The following DIS3L2 variants were observed in gnomAD, a reference collection of about 807,000 sequenced individuals.
DIS3L2 encodes the protein DIS3 like 3'-5' exoribonuclease 2, also known as DIS3-like exonuclease 2.
In DIS3L2, 34 loss-of-function variants were observed where a neutral mutation model predicts 97.5. That is an observed-to-expected ratio of 0.35 (90% confidence interval 0.27 to 0.46). DIS3L2 has a LOEUF of 0.46. Ranked by LOEUF, DIS3L2 falls within the 20% of genes least tolerant of loss-of-function variation. The pLI is 1.00. For synonymous variants in DIS3L2, 435 were observed against 445.2 expected, an observed-to-expected ratio of 0.98 and a Z score of 0.29; for missense variants, 1,038 against 1,146.0, an observed-to-expected ratio of 0.91 and a Z score of 1.36.
chr2:232,258,242 C>T (rs1465497941), intron 12 of DIS3L2, among the ~76,000 whole-genome samples: 1 of 152,080 alleles, frequency 6.6e-6, no homozygotes, highest in East Asian at 1.9e-4. Flanking sequence ...AGAGTATGTG[C>T]AGTAAACTCA....
intron 1 of DIS3L2, among the ~76,000 whole-genome samples, chr2:231,993,301 C>T (rs541056592): frequency 6.6e-6 from 1 of 152,272 alleles, no homozygotes; most frequent in East Asian, 1.9e-4. Flanking sequence ...GCAACCCCTG[C>T]CTCCCAGGTT....
At chr2:232,001,005 G>A (rs913141638) in intron 1 of DIS3L2, among the ~76,000 whole-genome samples, 1 of 151,974 alleles carries the variant, frequency 6.6e-6, no homozygotes, top group Non-Finnish European at 1.5e-5. Flanking sequence ...GAATAATACT[G>A]TAATGAACGT....
chr2:232,052,188 A>C (rs1341366735), intron 5 of DIS3L2, among the ~76,000 whole-genome samples: 3 of 151,926 alleles, frequency 2.0e-5, no homozygotes, highest in Non-Finnish European at 2.9e-5. Context: ...ATGTCTGGCT[A>C]ATTTTTTGTA....
chr2:232,147,269 C>T (rs1197768078), intron 8 of DIS3L2, among the ~76,000 whole-genome samples: 1 of 152,094 alleles, frequency 6.6e-6, no homozygotes, highest in East Asian at 1.9e-4. Context: ...GCATGTCCGG[C>T]CCATAAAAAT....
Position 232,301,763 on chromosome 2 carries a change from CTT to C in DIS3L2, c.1739+1645_1739+1646del, listed in dbSNP as rs1302262896. ...AGCTCTCTGTCCTTTAAGTTTATGT[CTT>C]AGCTGTTCACATATCTGGTGGCAAC... On this transcript the variant is annotated intron_variant, in intron 14 of 20. Coordinates refer to ENST00000325385, the MANE Select transcript of DIS3L2 (RefSeq NM_152383.5). Among the ~76,000 whole-genome samples, 10 of 149,942 alleles carry C rather than the reference CTT, an allele frequency of 6.7e-5. No homozygotes were observed. In the South Asian group the frequency reaches 1.3e-3, roughly 19 times the overall value.
Position 231,984,080 on chromosome 2 carries a change from T to A in DIS3L2, c.-94+22315T>A, listed in dbSNP as rs78696446. ...TTCTAGATAGTGATTTCATTTATAATTGATCATTTTGTCTCATTTCTAATA... is the reference window on the plus strand; with the variant it reads ...TTCTAGATAGTGATTTCATTTATAAATGATCATTTTGTCTCATTTCTAATA... On this transcript the variant is annotated intron_variant, in intron 1 of 20. Transcript: ENST00000325385. Among the ~76,000 whole-genome samples, 650 of 152,122 alleles carry A rather than the reference T, an allele frequency of 4.3e-3. 7 individuals carry two copies. The highest frequency in any genetic ancestry group is 0.015 in the African/African-American group (617 of 41,546).
intron 3 of DIS3L2, among the ~76,000 whole-genome samples, chr2:232,016,672 A>G (rs1188550159): frequency 6.6e-6 from 1 of 152,188 alleles, no homozygotes; most frequent in African/African-American, 2.4e-5. Context: ...GGCATAAACT[A>G]TCAGGCAGGT....
chr2:232,336,155 C>T lies in DIS3L2; in HGVS notation c.2496+281C>T, dbSNP rs767527889. 1.0e-5 allele frequency: 16 copies of T among 1,534,310 alleles called. No homozygotes were observed. The South Asian group carries it at 1.7e-4, about 16-fold the overall frequency. ...TGGCCTTCTAGGGTCCTTTAGAGAA[C>T]CTGATGAAAGCTATGAGTTTACACC... On this transcript the variant is annotated intron_variant, in intron 20 of 20. Transcript: ENST00000325385.
chr2:231,966,641 A>ACTT (rs1692724313), intron 1 of DIS3L2, among the ~76,000 whole-genome samples: 1 of 50,358 alleles, frequency 2.0e-5, no homozygotes, highest in African/African-American at 7.0e-5. Flanking sequence ...GTTAAAAAAC[A>ACTT]TTTTTTTTTT....
intron 9 of DIS3L2, among the ~76,000 whole-genome samples, chr2:232,188,593 C>T (rs1055969318): frequency 1.3e-5 from 2 of 152,112 alleles, no homozygotes; most frequent in Admixed American, 1.3e-4. Context: ...GGGTCATGGG[C>T]TTAAGTATAA....
chr2:232,099,924 T>C (rs912958687), intron 6 of DIS3L2, among the ~76,000 whole-genome samples: 2 of 152,220 alleles, frequency 1.3e-5, no homozygotes, highest in Admixed American at 1.3e-4. Context: ...TTCCTTTTCA[T>C]TCTATATTTT....
chr2:232,226,706 T>C (rs1017563587), intron 10 of DIS3L2, among the ~76,000 whole-genome samples: 14 of 152,312 alleles, frequency 9.2e-5, no homozygotes, highest in Non-Finnish European at 1.3e-4. Context: ...GTGGGGTGGC[T>C]CACGCCTGTA....
chr2:232,298,828 T>G (rs1217269717), intron 13 of DIS3L2, among the ~76,000 whole-genome samples: 1 of 152,250 alleles, frequency 6.6e-6, no homozygotes, highest in East Asian at 1.9e-4. Context: ...ACCAACTGGC[T>G]CTAGCAGGGC....
At chr2:232,231,997 G>T (rs1369925613) in intron 10 of DIS3L2, among the ~76,000 whole-genome samples, 1 of 152,232 alleles carries the variant, frequency 6.6e-6, no homozygotes, top group African/African-American at 2.4e-5. Flanking sequence ...ACCAGTGGGG[G>T]TTGCCAGGAA....
intron 5 of DIS3L2, among the ~76,000 whole-genome samples, chr2:232,038,845 T>C (rs1361231565): frequency 6.6e-6 from 1 of 152,202 alleles, no homozygotes; most frequent in Non-Finnish European, 1.5e-5. Context: ...CAAAAATCAG[T>C]ACCTCTTTTA....
intron 9 of DIS3L2, among the ~76,000 whole-genome samples, chr2:232,198,339 T>G (rs1349889955): frequency 6.6e-6 from 1 of 152,210 alleles, no homozygotes; most frequent in African/African-American, 2.4e-5. Flanking sequence ...TGTATAGAAC[T>G]TTTTATACTT....
chr2:232,086,385 GTATA>G (rs1394739957), intron 5 of DIS3L2, among the ~76,000 whole-genome samples: 2 of 143,050 alleles, frequency 1.4e-5, no homozygotes, highest in African/African-American at 5.1e-5. Flanking sequence ...ATATGTATAT[GTATA>G]TGTATATGTG....
intron 1 of DIS3L2, among the ~76,000 whole-genome samples, chr2:231,999,409 T>C (rs1693817848): frequency 6.6e-6 from 1 of 152,244 alleles, no homozygotes; most frequent in Non-Finnish European, 1.5e-5. Flanking sequence ...GAATATATCT[T>C]TATATGCTAT....
chr2:232,143,015 C>T (rs1690112291), intron 8 of DIS3L2, among the ~76,000 whole-genome samples: 1 of 152,162 alleles, frequency 6.6e-6, no homozygotes. Context: ...GCATGACTGT[C>T]TTCTAAATAT....
Sources: gnomAD v4.1 joint callset for allele counts (sites outside exome capture counted in the v4.1 genomes callset) on GRCh38, gnomAD v4.1.1 for gene constraint, MANE v1.5 for transcripts, NCBI Gene and HGNC (gene_info 2026-07-23, HGNC 2026-07-21) for gene names.